The following CTNNA2 variants were observed in gnomAD, a reference collection of about 807,000 sequenced individuals.
CTNNA2 encodes catenin alpha 2, also known as catenin alpha-2.
CTNNA2 carries 42 observed loss-of-function variants against 101.0 expected under a neutral mutation model. The ratio of observed to expected loss-of-function variants is 0.42; its 90% confidence interval spans 0.32 to 0.54. The LOEUF is 0.54. Among genes scored for constraint, CTNNA2 ranks in the 20% least tolerant of loss-of-function variants. The probability of loss-of-function intolerance (pLI) is 0.14; values close to 1 mark genes in which losing one functional copy is unlikely to be tolerated. For missense variants in CTNNA2, 871 were observed against 1,223.1 expected (o/e 0.71, Z 4.29); for synonymous variants, 450 against 456.4 (o/e 0.99, Z 0.18).
intron 7 of CTNNA2, among the ~76,000 whole-genome samples, chr2:80,030,766 G>A (rs1553433932): frequency 6.6e-6 from 1 of 152,110 alleles, no homozygotes; most frequent in Non-Finnish European, 1.5e-5. Flanking sequence ...TAACAGACAA[G>A]TGATTAATCT....
intron 7 of CTNNA2, among the ~76,000 whole-genome samples, chr2:80,272,302 C>T (rs941089236): frequency 3.9e-5 from 6 of 152,136 alleles, no homozygotes; most frequent in Admixed American, 2.0e-4. Flanking sequence ...AAACTCACTC[C>T]GGGGATGAAG....
intron 9 of CTNNA2, among the ~76,000 whole-genome samples, chr2:80,472,934 C>A (rs968711755): frequency 1.3e-5 from 2 of 152,158 alleles, no homozygotes; most frequent in Admixed American, 6.5e-5. Flanking sequence ...CCCATCCCAC[C>A]TTCTCGTTCA....
intron 1 of CTNNA2, among the ~76,000 whole-genome samples, chr2:79,643,522 T>G (rs1221253124): frequency 1.3e-5 from 2 of 152,316 alleles, no homozygotes; most frequent in East Asian, 3.9e-4. Flanking sequence ...GGCCTCTAGG[T>G]GATTGTCATG....
At chr2:79,213,141 G>A (rs976020983) in intron 2 of CTNNA2, among the ~76,000 whole-genome samples, 6 of 152,144 alleles carry the variant, frequency 3.9e-5, no homozygotes, top group Admixed American at 6.5e-5. Context: ...GGAGTGGCCA[G>A]ATGAGAAGGA....
chr2:80,223,193 A>G (rs937049081), intron 7 of CTNNA2, among the ~76,000 whole-genome samples: 19 of 152,212 alleles, frequency 1.2e-4, no homozygotes, highest in African/African-American at 4.1e-4. Context: ...AGGATGTAAC[A>G]GAGGCTTTCT....
intron 1 of CTNNA2, among the ~76,000 whole-genome samples, chr2:79,580,177 C>T (rs1194976835): frequency 2.0e-5 from 3 of 151,968 alleles, no homozygotes; most frequent in Non-Finnish European, 2.9e-5. Flanking sequence ...AAACTTTCTC[C>T]AGATGGGAGA....
At chr2:79,383,659 G>A (rs533744610) in intron 4 of CTNNA2, among the ~76,000 whole-genome samples, 27 of 152,252 alleles carry the variant, frequency 1.8e-4, no homozygotes, top group South Asian at 1.5e-3. Flanking sequence ...TCTTGATGCC[G>A]AGCCCTAGGT....
At chr2:80,152,401 G>A (rs1456535121) in intron 7 of CTNNA2, among the ~76,000 whole-genome samples, 2 of 151,914 alleles carry the variant, frequency 1.3e-5, no homozygotes, top group Non-Finnish European at 2.9e-5. Context: ...TCTGTATCTG[G>A]AGTCACTACT....
intron 4 of CTNNA2, among the ~76,000 whole-genome samples, chr2:79,403,948 TACAA>T (rs1366133284): frequency 3.9e-5 from 6 of 151,994 alleles, no homozygotes; most frequent in Non-Finnish European, 7.4e-5. Flanking sequence ...ACTGATACGA[TACAA>T]ACAGTCACAG....
At chr2:79,940,386 A>G (rs1366039775) in intron 7 of CTNNA2, among the ~76,000 whole-genome samples, 2 of 152,210 alleles carry the variant, frequency 1.3e-5, no homozygotes, top group Non-Finnish European at 2.9e-5. Flanking sequence ...CTTATTATAC[A>G]TGTGAAATTG....
At chr2:79,242,438 C>T (rs542237249) in intron 2 of CTNNA2, among the ~76,000 whole-genome samples, 25 of 152,102 alleles carry the variant, frequency 1.6e-4, no homozygotes, top group African/African-American at 5.8e-4. Context: ...AAGTGGGGGC[C>T]GTCTTGTGGA....
intron 3 of CTNNA2, among the ~76,000 whole-genome samples, chr2:79,767,544 A>G (rs1322090929): frequency 6.6e-6 from 1 of 152,122 alleles, no homozygotes; most frequent in Non-Finnish European, 1.5e-5. Context: ...TCTAAGCTGT[A>G]TCTGCTTTAG....
intron 9 of CTNNA2, among the ~76,000 whole-genome samples, chr2:80,516,745 C>T (rs529689359): frequency 5.3e-5 from 8 of 152,160 alleles, no homozygotes; most frequent in Non-Finnish European, 1.2e-4. Flanking sequence ...TTGGAAGTTA[C>T]CTGCCAAGGA....
chr2:79,422,683 T>C (rs1678551890), intron 4 of CTNNA2, among the ~76,000 whole-genome samples: 1 of 152,180 alleles, frequency 6.6e-6, no homozygotes, highest in African/African-American at 2.4e-5. Context: ...GAAACAAAGT[T>C]TCTGCAGACT....
At chr2:80,241,357 G>A (rs561135686) in intron 7 of CTNNA2, among the ~76,000 whole-genome samples, 1 of 151,804 alleles carries the variant, frequency 6.6e-6, no homozygotes, top group Admixed American at 6.6e-5. Flanking sequence ...GGTAAGTAGA[G>A]TCAGTTGAGG....
chr2:79,904,006 C>T (rs895846334), intron 6 of CTNNA2, among the ~76,000 whole-genome samples: 2 of 152,168 alleles, frequency 1.3e-5, no homozygotes, highest in African/African-American at 4.8e-5. Context: ...TGACCAGCTT[C>T]AGTTGATCTC....
chr2:79,466,400 C>A (rs986303914), intron 4 of CTNNA2, among the ~76,000 whole-genome samples: 1 of 152,204 alleles, frequency 6.6e-6, no homozygotes. Flanking sequence ...CTGGGTGGAG[C>A]CCACCACAGC....
chr2:79,678,765 T>C (rs973815961), intron 2 of CTNNA2, among the ~76,000 whole-genome samples: 1 of 152,174 alleles, frequency 6.6e-6, no homozygotes, highest in Non-Finnish European at 1.5e-5. Flanking sequence ...CTCAGTGATC[T>C]TGGAGTCTCG....
intron 3 of CTNNA2, among the ~76,000 whole-genome samples, chr2:79,317,119 T>C (rs1676515938): frequency 6.6e-6 from 1 of 152,024 alleles, no homozygotes; most frequent in Admixed American, 6.6e-5. Flanking sequence ...TTATCAATAA[T>C]GGGCATTGGG....
Sources: gnomAD v4.1 joint callset for allele counts (sites outside exome capture counted in the v4.1 genomes callset) on GRCh38, gnomAD v4.1.1 for gene constraint, MANE v1.5 for transcripts, NCBI Gene and HGNC (gene_info 2026-07-23, HGNC 2026-07-21) for gene names.